Variants in CERS6 observed in about 807,000 individuals in gnomAD.
CERS6 encodes LAG1 homolog, ceramide synthase 6.
Under a neutral mutation model 56.8 loss-of-function variants are expected in CERS6, and 26 were observed. The ratio of observed to expected loss-of-function variants is 0.46; its 90% CI spans 0.34 to 0.63. The LOEUF (loss-of-function observed/expected upper bound fraction) is 0.63, where lower values mean the gene tolerates loss of function less well. Among genes scored for constraint, CERS6 ranks in the 30% least tolerant of loss-of-function variants. The probability of loss-of-function intolerance (pLI) is 0.01; values close to 1 mark genes in which losing one functional copy is unlikely to be tolerated. For missense variants in CERS6, 415 were observed against 467.5 expected (o/e 0.89, Z 1.04); for synonymous variants, 164 against 173.3 (o/e 0.95, Z 0.42).
chr2:168,577,211 A>G (rs1206495501), intron 3 of CERS6, among the ~76,000 whole-genome samples: 1 of 152,174 alleles, frequency 6.6e-6, no homozygotes, highest in East Asian at 1.9e-4. Context: ...ATGAGAGGTT[A>G]TGGAATTGAG....
chr2:168,626,198 T>C (rs1574109497), intron 3 of CERS6, among the ~76,000 whole-genome samples: 1 of 152,154 alleles, frequency 6.6e-6, no homozygotes, highest in Non-Finnish European at 1.5e-5. Flanking sequence ...TGGAACAGTT[T>C]CATTAAATGA....
At chr2:168,622,337 C>T (rs1201949241) in intron 3 of CERS6, among the ~76,000 whole-genome samples, 2 of 152,192 alleles carry the variant, frequency 1.3e-5, no homozygotes, top group Non-Finnish European at 2.9e-5. Context: ...TCAAAGCCGT[C>T]CTGGCCTGCA....
intron 3 of CERS6, among the ~76,000 whole-genome samples, chr2:168,598,635 GA>G (rs896020930): frequency 2.6e-5 from 4 of 151,178 alleles, no homozygotes; most frequent in South Asian, 4.2e-4. Flanking sequence ...CAGGATTAGT[GA>G]AAAAAAAGGT....
intron 3 of CERS6, among the ~76,000 whole-genome samples, chr2:168,624,948 C>T (rs1684557520): frequency 6.6e-6 from 1 of 151,984 alleles, no homozygotes; most frequent in South Asian, 2.1e-4. Flanking sequence ...TATATTTGTT[C>T]CTAAATATAT....
At chr2:168,637,206 G>A (rs75412032) in intron 4 of CERS6, among the ~76,000 whole-genome samples, 2,636 of 152,280 alleles carry the variant, frequency 0.017, 104 homozygotes, top group East Asian at 0.16. Flanking sequence ...TGCCAGGCAC[G>A]GTGGCTCACG....
At chr2:168,628,581 T>C (rs1283965965) in intron 3 of CERS6, among the ~76,000 whole-genome samples, 1 of 152,218 alleles carries the variant, frequency 6.6e-6, no homozygotes, top group East Asian at 1.9e-4. Context: ...TTCTTCCCAG[T>C]TGGCTTTTGA....
At chr2:168,542,847 C>G (rs766754345) in intron 1 of CERS6, among the ~76,000 whole-genome samples, 1 of 152,106 alleles carries the variant, frequency 6.6e-6, no homozygotes, top group Non-Finnish European at 1.5e-5. Context: ...CAGGCGTGCA[C>G]CACCACACCT....
rs951142816 is a variant in CERS6, at chr2:168,773,138, C to T, written c.*3476C>T. The T allele has an allele frequency of 5.0e-4, 76 of 152,180 alleles. No individual in the cohort carries two copies. The highest frequency in any genetic ancestry group is 4.1e-4 in the Non-Finnish European group (28 of 68,038). The allele number at this position is 152,180 out of a possible 1,614,324, so 9.4% of individuals were successfully genotyped here. A position where few individuals can be genotyped will look rare whatever the true frequency, so the allele number is the denominator to read the frequency against. ...CTTTTCAAAGAGAGCTTTATAGACA[C>T]CCACAATTGTCCCCAATCTCTTCAT... On this transcript the variant is annotated 3_prime_UTR_variant, in exon 10 of 10. Transcript: ENST00000305747.
Position 168,762,491 on chromosome 2 carries a change from T to C in CERS6, c.846-3101T>C, listed in dbSNP as rs1464151140. 3.9e-5 allele frequency among the ~76,000 whole-genome samples: 6 copies of C among 152,306 alleles called. No individual in the cohort carries two copies. The East Asian group carries it at 1.2e-3, about 29-fold the overall frequency. On this transcript the variant is annotated intron_variant, in intron 8 of 9. Coordinates refer to ENST00000305747, the MANE Select transcript of CERS6 (RefSeq NM_203463.3). ...TACAAAAATCATACTAAGTCCTTTG[T>C]ATTCTAATTGTTAAACATCAATAAT...
At chr2:168,692,101 C>A (rs748148824) in intron 5 of CERS6, among the ~76,000 whole-genome samples, 1 of 152,184 alleles carries the variant, frequency 6.6e-6, no homozygotes, top group South Asian at 2.1e-4. Flanking sequence ...ATTTTCATCT[C>A]TTACGAGTGG....
chr2:168,526,982 A>T (rs556994567), intron 1 of CERS6, among the ~76,000 whole-genome samples: 1 of 152,316 alleles, frequency 6.6e-6, no homozygotes, highest in East Asian at 1.9e-4. Flanking sequence ...TTAAGCCATT[A>T]TCTCTTGGCT....
chr2:168,634,121 TTACAGAC>T (rs1684810058), intron 4 of CERS6, among the ~76,000 whole-genome samples: 1 of 152,214 alleles, frequency 6.6e-6, no homozygotes, highest in East Asian at 1.9e-4. Context: ...CAGAACAACC[TTACAGAC>T]ATGTTAGTGA....
At position 168,617,080 on chromosome 2, in the gene CERS6, C is replaced by G. The variant is rs541107957; in HGVS notation, c.408-13905C>G. On this transcript the variant is annotated intron_variant, in intron 3 of 9. Coordinates refer to ENST00000305747, the MANE Select transcript of CERS6 (RefSeq NM_203463.3). ...AAGTGGAAATCAACTCCAAAAGGAA[C>G]CTTCAAAACCATGCAAATACATGGA... Among the ~76,000 whole-genome samples, 22 of 152,246 alleles carry G rather than the reference C, an allele frequency of 1.4e-4. 1 individual carries two copies. In the South Asian group the frequency reaches 4.4e-3, roughly 30 times the overall value.
chr2:168,678,917 A>T (rs992846186), intron 4 of CERS6, among the ~76,000 whole-genome samples: 1 of 152,228 alleles, frequency 6.6e-6, no homozygotes, highest in South Asian at 2.1e-4. Flanking sequence ...AAATAGCCAA[A>T]ATATGGAATT....
Position 168,630,990 on chromosome 2 carries a change from G to C in CERS6, c.413G>C (p.Arg138Thr). 1.1e-5 allele frequency: 17 copies of C among 1,504,810 alleles called. No homozygotes were observed. The highest frequency in any genetic ancestry group is 1.5e-5 in the Non-Finnish European group (17 of 1,101,134). 93.2% of individuals were successfully genotyped at this position (1,504,810 alleles called of 1,614,324 possible). A position where few individuals can be genotyped will look rare whatever the true frequency, so the allele number is the denominator to read the frequency against. The part of the protein sequence containing the change: ...TLTRFCESMW[R>T]FSFYLYVFTY... ...TTTTTTTTAACCTTCTACAGGTGGA[G>C]ATTTTCATTTTACCTTTATGTATTT... Residue 138 changes from arginine to threonine, a missense_variant, in exon 4 of 10, where the codon AGA (arginine) becomes ACA (threonine). Coordinates refer to ENST00000305747, the MANE Select transcript of CERS6 (RefSeq NM_203463.3).
chr2:168,505,382 C>CAAAAAAAAAAAAAAAAAAAA (rs370477008), intron 1 of CERS6, among the ~76,000 whole-genome samples: 1 of 96,378 alleles, frequency 1.0e-5, no homozygotes, highest in Admixed American at 1.3e-4. Flanking sequence ...ACCCTGTTTC[C>CAAAAAAAAAAAAAAAAAAAA]AAAAAAAAAA....
chr2:168,711,694 A>G (rs1217951763), intron 6 of CERS6, among the ~76,000 whole-genome samples: 1 of 145,956 alleles, frequency 6.9e-6, no homozygotes, highest in African/African-American at 2.5e-5. Flanking sequence ...AGATCCCACC[A>G]TTGTACTCCA....
chr2:168,586,909 G>A (rs184515620), intron 3 of CERS6, among the ~76,000 whole-genome samples: 165 of 152,286 alleles, frequency 1.1e-3, no homozygotes, highest in African/African-American at 3.6e-3. Flanking sequence ...GGTGGCTCAC[G>A]CTGGTAATTC....
intron 1 of CERS6, among the ~76,000 whole-genome samples, chr2:168,477,677 G>T (rs561021110): frequency 1.3e-5 from 2 of 152,120 alleles, no homozygotes; most frequent in Non-Finnish European, 2.9e-5. Flanking sequence ...GTGTGAAGTG[G>T]CTGGGTCTGT....
Sources: gnomAD v4.1 joint callset for allele counts (sites outside exome capture counted in the v4.1 genomes callset) on GRCh38, gnomAD v4.1.1 for gene constraint, MANE v1.5 for transcripts, NCBI Gene and HGNC (gene_info 2026-07-23, HGNC 2026-07-21) for gene names.